PRELID2: variants seen among roughly 807,000 people sequenced by gnomAD.
PRELID2 encodes the protein PRELI domain containing 2, also known as PRELI domain-containing protein 2.
Under a neutral mutation model 28.4 loss-of-function variants are expected in PRELID2, and 25 were observed. That is an observed-to-expected ratio of 0.88 (90% confidence interval 0.64 to 1.23). PRELID2 has a LOEUF of 1.23. Ranked by LOEUF, PRELID2 falls within the 50% of genes most tolerant of loss-of-function variation. The pLI, the probability that PRELID2 is intolerant of heterozygous loss-of-function variation, is 0.00. For synonymous variants in PRELID2, 76 were observed against 71.6 expected (o/e 1.06, Z -0.31); for missense variants, 201 against 214.4 (o/e 0.94, Z 0.39).
chr5:145,562,640 C>A (rs930408896), intron 1 of PRELID2, among the ~76,000 whole-genome samples: 2 of 152,140 alleles, frequency 1.3e-5, no homozygotes, highest in Admixed American at 1.3e-4. Flanking sequence ...TCTTCATGTT[C>A]TTTGTGGGAA....
intron 1 of PRELID2, among the ~76,000 whole-genome samples, chr5:145,750,347 G>C (rs939531699): frequency 6.6e-6 from 1 of 151,628 alleles, no homozygotes; most frequent in Non-Finnish European, 1.5e-5. Context: ...TCACATATGA[G>C]GAAAATGAAA....
intron 5 of PRELID2, among the ~76,000 whole-genome samples, chr5:145,792,373 A>G (rs1486303258): frequency 6.6e-6 from 1 of 152,204 alleles, no homozygotes; most frequent in East Asian, 1.9e-4. Context: ...ATGCGTGCCA[A>G]GGACAGTGCT....
chr5:145,795,144 CAGTA>C (rs1182628245), intron 5 of PRELID2: 1 of 152,068 alleles, frequency 6.6e-6, no homozygotes. Flanking sequence ...AAAGTCAACT[CAGTA>C]AGAAACATGG....
the PRELID2 span, among the ~76,000 whole-genome samples, chr5:145,408,395 TTATATA>T: frequency 0.026 from 3,388 of 129,230 alleles, 107 homozygotes; most frequent in African/African-American, 0.078. Flanking sequence ...TTAAAGAAAT[TTATATA>T]TATATATATA....
chr5:145,437,844 C>G, the PRELID2 span, among the ~76,000 whole-genome samples: 1 of 152,062 alleles, frequency 6.6e-6, no homozygotes, highest in Non-Finnish European at 1.5e-5. Context: ...CTGGCATTTT[C>G]GCCCAAACAT....
chr5:145,734,333 T>C (rs777377024), intron 1 of PRELID2, among the ~76,000 whole-genome samples: 1 of 152,172 alleles, frequency 6.6e-6, no homozygotes, highest in Non-Finnish European at 1.5e-5. Flanking sequence ...AGTACTTTGG[T>C]AAGGTATTAC....
the PRELID2 span, among the ~76,000 whole-genome samples, chr5:145,380,029 C>T: frequency 6.6e-6 from 1 of 152,146 alleles, no homozygotes; most frequent in Non-Finnish European, 1.5e-5. Context: ...GGGGGACGGC[C>T]CTTTCTGGCC....
At chr5:145,650,574 A>G (rs1754277416) in intron 1 of PRELID2, among the ~76,000 whole-genome samples, 5 of 123,314 alleles carry the variant, frequency 4.1e-5, no homozygotes, top group South Asian at 5.2e-4. Flanking sequence ...ATATATATAT[A>G]TAGACTAAAA....
chr5:145,374,659 C>A, the PRELID2 span, among the ~76,000 whole-genome samples: 1 of 152,014 alleles, frequency 6.6e-6, no homozygotes, highest in African/African-American at 2.4e-5. Flanking sequence ...TCTCATATTT[C>A]TTGGAGGCTT....
At chr5:145,292,361 T>G in the PRELID2 span, among the ~76,000 whole-genome samples, 1 of 152,104 alleles carries the variant, frequency 6.6e-6, no homozygotes, top group Non-Finnish European at 1.5e-5. Flanking sequence ...CTGACTTATT[T>G]TATGACTTCA....
intron 1 of PRELID2, among the ~76,000 whole-genome samples, chr5:145,487,966 T>C (rs1182141213): frequency 1.3e-5 from 2 of 151,016 alleles, no homozygotes; most frequent in East Asian, 2.0e-4. Flanking sequence ...CTACTAAAAA[T>C]ACAAAAAATT....
chr5:145,798,868 T>C (rs1461164769), intron 4 of PRELID2, among the ~76,000 whole-genome samples: 1 of 152,012 alleles, frequency 6.6e-6, no homozygotes, highest in African/African-American at 2.4e-5. Flanking sequence ...CACCAGGGCC[T>C]GTCAGTGGGT....
chr5:145,596,297 T>C (rs1753305621), intron 1 of PRELID2, among the ~76,000 whole-genome samples: 1 of 152,062 alleles, frequency 6.6e-6, no homozygotes, highest in Admixed American at 6.6e-5. Context: ...AGAAGGGAGG[T>C]TATTAGTGTA....
chr5:145,258,317 T>C, the PRELID2 span, among the ~76,000 whole-genome samples: 1 of 152,062 alleles, frequency 6.6e-6, no homozygotes, highest in African/African-American at 2.4e-5. Context: ...TTAGAAGAGT[T>C]TGGTGGGTTC....
intron 4 of PRELID2, among the ~76,000 whole-genome samples, chr5:145,800,951 TA>T (rs895773749): frequency 6.6e-6 from 1 of 151,140 alleles, no homozygotes; most frequent in South Asian, 2.1e-4. Context: ...CAGCTTCATT[TA>T]AAAAAAAAGA....
intron 1 of PRELID2, among the ~76,000 whole-genome samples, chr5:145,576,716 AATAG>A (rs904589975): frequency 7.9e-5 from 12 of 152,104 alleles, no homozygotes; most frequent in Non-Finnish European, 5.9e-5. Flanking sequence ...ATTGTACAAA[AATAG>A]ATAGAAGGAA....
chr5:145,481,623 C>CAACAAAA (rs1752160271), intron 1 of PRELID2, among the ~76,000 whole-genome samples: 1 of 41,862 alleles, frequency 2.4e-5, no homozygotes, highest in African/African-American at 1.2e-4. Flanking sequence ...GCAAGGAAAT[C>CAACAAAA]AAAAAAAAAA....
chr5:145,560,467 T>C (rs1014091927), intron 1 of PRELID2, among the ~76,000 whole-genome samples: 4 of 152,240 alleles, frequency 2.6e-5, no homozygotes, highest in Non-Finnish European at 5.9e-5. Flanking sequence ...GGCTTGTAAT[T>C]GGTAAATTAA....
chr5:145,277,868 T>G, the PRELID2 span, among the ~76,000 whole-genome samples: 228 of 152,238 alleles, frequency 1.5e-3, no homozygotes, highest in Middle Eastern at 6.8e-3. Context: ...ACACATACCT[T>G]CCCTCTAGGC....
Sources: allele counts gnomAD v4.1 joint callset (sites outside exome capture counted in the v4.1 genomes callset), GRCh38; gene constraint gnomAD v4.1.1; transcripts MANE v1.5; gene names NCBI Gene and HGNC (gene_info 2026-07-23, HGNC 2026-07-21).